The following WWOX variants were observed in gnomAD, a reference collection of about 807,000 sequenced individuals.
WWOX encodes the protein WW domain-containing oxidoreductase.
In WWOX, 69 loss-of-function variants were observed where a neutral mutation model predicts 46.2. The observed-to-expected ratio is 1.49, with a 90% confidence interval of 1.23 to 1.82. The LOEUF (loss-of-function observed/expected upper bound fraction) is 1.82. Ranked by LOEUF, WWOX falls within the 40% of genes most tolerant of loss-of-function variation. The probability of loss-of-function intolerance (pLI) is 0.00; values close to 1 mark genes in which losing one functional copy is unlikely to be tolerated. For synonymous variants in WWOX, 359 were observed against 202.6 expected, an observed-to-expected ratio of 1.77 and a Z score of -6.56; for missense variants, 919 against 542.6, an observed-to-expected ratio of 1.69 and a Z score of -6.89.
chr16:79,064,859 T>C (rs2048414330), intron 8 of WWOX, among the ~76,000 whole-genome samples: 1 of 152,214 alleles, frequency 6.6e-6, no homozygotes, highest in Admixed American at 6.5e-5. Flanking sequence ...TAATGTTGTG[T>C]TGGAAGAGAG....
At chr16:79,133,499 C>G (rs1317391792) in intron 8 of WWOX, among the ~76,000 whole-genome samples, 1 of 152,156 alleles carries the variant, frequency 6.6e-6, no homozygotes, top group African/African-American at 2.4e-5. Context: ...ACAGGTGGTT[C>G]TCATTTTAGT....
intron 8 of WWOX, among the ~76,000 whole-genome samples, chr16:79,142,944 C>G (rs76595863): frequency 4.5e-4 from 69 of 152,206 alleles, no homozygotes; most frequent in African/African-American, 1.5e-3. Flanking sequence ...GCTCAAGCCA[C>G]CAGCCTGCCT....
At chr16:79,009,531 G>A (rs935448515) in intron 8 of WWOX, among the ~76,000 whole-genome samples, 5 of 151,810 alleles carry the variant, frequency 3.3e-5, no homozygotes, top group African/African-American at 2.4e-5. Flanking sequence ...GTAGTGGTGC[G>A]ATCTCGGCTC....
In WWOX at chr16:78,887,080, GTGTGTGTGTGTGTGTGT is replaced by G. The variant is rs2044476655; in HGVS notation, c.1057-324527_1057-324511del. 5.8e-3 allele frequency among the ~76,000 whole-genome samples: 708 copies of G among 122,538 alleles called. 8 individuals are homozygous for G. The highest frequency in any genetic ancestry group is 0.024 in the African/African-American group (630 of 26,250). 80.4% of individuals were successfully genotyped at this position (122,538 alleles called of 152,430 possible). A position where few individuals can be genotyped will look rare whatever the true frequency, so the allele number is the denominator to read the frequency against. On this transcript the variant is annotated intron_variant, in intron 8 of 8. Transcript: ENST00000566780. ...CTGGCTATATGTGTGTGTGTGTGGT[GTGTGTGTGTGTGTGTGT>G]GTGTGTGTGTGTGTGTGTGTGTGTG...
chr16:79,075,041 G>C (rs1350406084), intron 8 of WWOX, among the ~76,000 whole-genome samples: 1 of 152,160 alleles, frequency 6.6e-6, no homozygotes, highest in Non-Finnish European at 1.5e-5. Context: ...GAGAAACTCA[G>C]TATGAAAAAT....
At chr16:78,352,915 C>T (rs1489774836) in intron 5 of WWOX, among the ~76,000 whole-genome samples, 1 of 152,160 alleles carries the variant, frequency 6.6e-6, no homozygotes, top group Non-Finnish European at 1.5e-5. Context: ...AAAGATCAAT[C>T]ATAGCACTAG....
chr16:78,323,922 G>A (rs1431564633), intron 5 of WWOX, among the ~76,000 whole-genome samples: 1 of 152,142 alleles, frequency 6.6e-6, no homozygotes, highest in Non-Finnish European at 1.5e-5. Flanking sequence ...AATAAGCATA[G>A]ATGCCCCTTT....
intron 8 of WWOX, among the ~76,000 whole-genome samples, chr16:78,696,547 G>A (rs764073193): frequency 7.9e-5 from 12 of 152,142 alleles, no homozygotes; most frequent in Non-Finnish European, 1.6e-4. Context: ...GCAGCGAGCT[G>A]CAGCTCCCAG....
chr16:78,817,576 A>G (rs2051369263), intron 8 of WWOX, among the ~76,000 whole-genome samples: 2 of 152,214 alleles, frequency 1.3e-5, no homozygotes, highest in Admixed American at 1.3e-4. Context: ...AGTTGGCTAC[A>G]AAACCTCTCG....
At chr16:79,142,477 C>G (rs977649427) in intron 8 of WWOX, among the ~76,000 whole-genome samples, 3 of 152,178 alleles carry the variant, frequency 2.0e-5, no homozygotes, top group African/African-American at 7.2e-5. Flanking sequence ...GGGCTCCCTC[C>G]TCCCCACCAA....
intron 5 of WWOX, among the ~76,000 whole-genome samples, chr16:78,377,359 C>A (rs2081854129): frequency 6.6e-6 from 1 of 152,134 alleles, no homozygotes; most frequent in African/African-American, 2.4e-5. Flanking sequence ...CTTTAGTCAT[C>A]TATTATTTAT....
At chr16:78,394,710 G>C (rs1047864881) in intron 6 of WWOX, among the ~76,000 whole-genome samples, 2 of 152,206 alleles carry the variant, frequency 1.3e-5, no homozygotes, top group Admixed American at 6.5e-5. Flanking sequence ...GTGGTAGCCT[G>C]AAAGCAGCCA....
At chr16:78,553,371 C>G (rs2151546040) in intron 8 of WWOX, 1 of 152,216 alleles carries the variant, frequency 6.6e-6, no homozygotes, top group East Asian at 1.9e-4. Context: ...TGGCTTGGGT[C>G]ATTTCCATGG....
chr16:78,734,294 C>T (rs892522178), intron 8 of WWOX, among the ~76,000 whole-genome samples: 13 of 151,970 alleles, frequency 8.6e-5, no homozygotes, highest in African/African-American at 2.7e-4. Context: ...TATTTTTCCC[C>T]CACATGCATC....
In WWOX at chr16:78,322,135, A is replaced by C. The variant is rs761615348; in HGVS notation, c.517-64725A>C. On this transcript the variant is annotated intron_variant, in intron 5 of 8. Coordinates refer to ENST00000566780, the MANE Select transcript of WWOX (RefSeq NM_016373.4). ...CCAGATGATTGTGTATTTACTTCTC[A>C]CTTGCCCTGCCAGGGGGATGGTTGG... is the stretch of plus-strand genomic sequence containing the variant. Among the ~76,000 whole-genome samples, 51 of 152,186 alleles carry C rather than the reference A, an allele frequency of 3.4e-4. 1 individual carries two copies. The highest frequency in any genetic ancestry group is 1.2e-3 in the Admixed American group (19 of 15,276).
intron 8 of WWOX, among the ~76,000 whole-genome samples, chr16:78,594,247 A>T (rs1030304650): frequency 6.6e-6 from 1 of 151,812 alleles, no homozygotes; most frequent in Non-Finnish European, 1.5e-5. Flanking sequence ...GTGTGCATCA[A>T]TTCATATGGT....
intron 8 of WWOX, among the ~76,000 whole-genome samples, chr16:78,818,560 A>G (rs916867325): frequency 5.9e-5 from 9 of 152,258 alleles, no homozygotes; most frequent in South Asian, 4.2e-4. Context: ...GCGAGACCCA[A>G]TCTCTCCAAA....
At chr16:78,503,556 G>A (rs928648322) in intron 8 of WWOX, 1 of 152,002 alleles carries the variant, frequency 6.6e-6, no homozygotes, top group African/African-American at 2.4e-5. Context: ...AAGCATAATT[G>A]ATGTGCCATG....
chr16:79,127,701 G>T (rs1301878843), intron 8 of WWOX, among the ~76,000 whole-genome samples: 1 of 152,066 alleles, frequency 6.6e-6, no homozygotes, highest in African/African-American at 2.4e-5. Context: ...TGCCCTCTAC[G>T]GAGGTTGTTC....
Sources: allele counts gnomAD v4.1 joint callset (sites outside exome capture counted in the v4.1 genomes callset), GRCh38; gene constraint gnomAD v4.1.1; transcripts MANE v1.5; gene names NCBI Gene and HGNC (gene_info 2026-07-23, HGNC 2026-07-21).